The following ENTREP2 variants were observed in gnomAD, a reference collection of about 807,000 sequenced individuals.
ENTREP2 encodes the protein protein ENTREP2.
chr15:29,446,966 T>C, the ENTREP2 span, among the ~76,000 whole-genome samples: 3 of 152,184 alleles, frequency 2.0e-5, no homozygotes, highest in South Asian at 4.1e-4. Flanking sequence ...CAGGATTACA[T>C]CCCTTTTCGA....
chr15:29,487,495 G>C, the ENTREP2 span, among the ~76,000 whole-genome samples: 6 of 152,092 alleles, frequency 3.9e-5, no homozygotes, highest in Admixed American at 3.3e-4. Flanking sequence ...ATCATGTTTT[G>C]GCATCTGGTG....
At chr15:29,300,732 G>C in the ENTREP2 span, among the ~76,000 whole-genome samples, 1 of 152,010 alleles carries the variant, frequency 6.6e-6, no homozygotes, top group Non-Finnish European at 1.5e-5. Flanking sequence ...CCGAGTAGCT[G>C]GGACTACAGG....
the ENTREP2 span, among the ~76,000 whole-genome samples, chr15:29,285,119 G>A: frequency 8.5e-5 from 13 of 152,146 alleles, no homozygotes; most frequent in Admixed American, 2.6e-4. Context: ...ATTAAGCTAC[G>A]TTTTCTCAAT....
chr15:29,234,137 T>C, the ENTREP2 span: 9 of 1,555,798 alleles, frequency 5.8e-6, no homozygotes, highest in African/African-American at 9.6e-5. Flanking sequence ...GGGACTCTGC[T>C]CTCCATGTCA....
chr15:29,303,525 G>A, the ENTREP2 span, among the ~76,000 whole-genome samples: 9 of 151,914 alleles, frequency 5.9e-5, no homozygotes, highest in African/African-American at 2.2e-4. Context: ...TAGGTTTAGG[G>A]GTACACTGTC....
At chr15:29,230,267 T>C in the ENTREP2 span, among the ~76,000 whole-genome samples, 2 of 152,230 alleles carry the variant, frequency 1.3e-5, no homozygotes, top group Non-Finnish European at 2.9e-5. Flanking sequence ...ATCAATCATT[T>C]ATAATGTTGC....
chr15:29,605,490 T>G, the ENTREP2 span, among the ~76,000 whole-genome samples: 2 of 152,208 alleles, frequency 1.3e-5, no homozygotes, highest in East Asian at 3.8e-4. Context: ...TTGATCCACA[T>G]CTGTATCTCT....
At chr15:29,572,638 C>T in the ENTREP2 span, among the ~76,000 whole-genome samples, 1 of 151,876 alleles carries the variant, frequency 6.6e-6, no homozygotes, top group African/African-American at 2.4e-5. Context: ...ACACAATAGC[C>T]TAACAAATTA....
the ENTREP2 span, among the ~76,000 whole-genome samples, chr15:29,206,045 A>C: frequency 6.8e-4 from 104 of 152,170 alleles, no homozygotes; most frequent in Non-Finnish European, 1.2e-3. Context: ...CACCAGCCCC[A>C]ATGACACAGG....
the ENTREP2 span, among the ~76,000 whole-genome samples, chr15:29,551,292 C>T: frequency 1.3e-5 from 2 of 152,170 alleles, no homozygotes; most frequent in African/African-American, 4.8e-5. Flanking sequence ...GGCAAAGCTT[C>T]TAGTGTTTGA....
chr15:29,518,293 G>A, the ENTREP2 span, among the ~76,000 whole-genome samples: 4 of 152,096 alleles, frequency 2.6e-5, no homozygotes, highest in Non-Finnish European at 4.4e-5. Flanking sequence ...TAACCATGCC[G>A]TACGTTAGAT....
At chr15:29,626,555 T>G in the ENTREP2 span, among the ~76,000 whole-genome samples, 1 of 152,232 alleles carries the variant, frequency 6.6e-6, no homozygotes, top group African/African-American at 2.4e-5. Context: ...TATGTCTTTA[T>G]TAGCAGCAGG....
the ENTREP2 span, among the ~76,000 whole-genome samples, chr15:29,203,188 G>A: frequency 1.7e-4 from 26 of 152,308 alleles, no homozygotes; most frequent in African/African-American, 6.3e-4. Flanking sequence ...GGATCACGAG[G>A]ACAGGAGATC....
At chr15:29,308,866 C>T in the ENTREP2 span, among the ~76,000 whole-genome samples, 424 of 152,282 alleles carry the variant, frequency 2.8e-3, 2 homozygotes, top group Non-Finnish European at 4.1e-3. Context: ...AGATGTCCTC[C>T]CTCACCAGGA....
the ENTREP2 span, among the ~76,000 whole-genome samples, chr15:29,144,083 G>C: frequency 1.3e-5 from 2 of 152,298 alleles, no homozygotes; most frequent in Admixed American, 1.3e-4. Flanking sequence ...CCAAAGAAAT[G>C]ACAGGGTAAG....
chr15:29,439,869 C>T, the ENTREP2 span, among the ~76,000 whole-genome samples: 3 of 152,108 alleles, frequency 2.0e-5, no homozygotes, highest in Non-Finnish European at 2.9e-5. Flanking sequence ...CTGGCAGACA[C>T]CAGCTTGGCC....
At chr15:29,465,734 C>G in the ENTREP2 span, among the ~76,000 whole-genome samples, 1 of 152,122 alleles carries the variant, frequency 6.6e-6, no homozygotes, top group Non-Finnish European at 1.5e-5. Flanking sequence ...TTTGGGATGA[C>G]AGTTATAAAT....
chr15:29,475,003 T>C, the ENTREP2 span, among the ~76,000 whole-genome samples: 2 of 152,276 alleles, frequency 1.3e-5, no homozygotes, highest in Admixed American at 6.5e-5. Context: ...TGAACATTTT[T>C]ATCCTGCAGA....
chr15:29,221,090 G>A, the ENTREP2 span, among the ~76,000 whole-genome samples: 1 of 152,076 alleles, frequency 6.6e-6, no homozygotes, highest in Non-Finnish European at 1.5e-5. Context: ...AAATTGTCAA[G>A]TGAGAGCACC....
Sources: gnomAD v4.1 joint callset for allele counts (sites outside exome capture counted in the v4.1 genomes callset) on GRCh38, gnomAD v4.1.1 for gene constraint, MANE v1.5 for transcripts, NCBI Gene and HGNC (gene_info 2026-07-23, HGNC 2026-07-21) for gene names.